The following KDM5C variants were observed in gnomAD, a reference collection of about 807,000 sequenced individuals.
KDM5C encodes lysine-specific demethylase 5C.
In KDM5C, 16 loss-of-function variants were observed where a neutral mutation model predicts 110.6. The observed-to-expected ratio is 0.14, with a 90% confidence interval of 0.10 to 0.22. KDM5C has a LOEUF of 0.22. Ranked by LOEUF, KDM5C falls within the 10% of genes least tolerant of loss-of-function variation. KDM5C has a pLI of 1.00. For missense variants in KDM5C, 681 were observed against 1,300.9 expected, an observed-to-expected ratio of 0.52 and a Z score of 7.33; for synonymous variants, 511 against 520.4, an observed-to-expected ratio of 0.98 and a Z score of 0.24.
intron 18 of KDM5C, 42 bp from the exon 19 acceptor site, chrX:53,197,086 C>T: frequency 1.9e-6 from 2 of 1,028,038 alleles, no homozygotes; most frequent in South Asian, 3.9e-5. Flanking sequence ...TCAGCTGGGC[C>T]CACTGAGGGG....
rs781968237 is a variant in KDM5C at position 53,225,193 on chromosome X, C to A, written c.-304G>T. ...GCCGCGGCCTTCAGCGCCGCCGCCG[C>A]CATCTTGGTTTGTCAGCGTCTCCCC... On this transcript the variant is annotated 5_prime_UTR_variant, in exon 1 of 26. Coordinates refer to ENST00000375401, the MANE Select transcript of KDM5C (RefSeq NM_004187.5). 7.0e-5 allele frequency: 25 copies of A among 359,031 alleles called. No individual in the cohort carries two copies. The highest frequency in any genetic ancestry group is 1.2e-4 in the Non-Finnish European group (25 of 207,676). The allele number at this position is 359,031 out of a possible 1,213,427, so 29.6% of individuals were successfully genotyped here.
At chrX:53,185,992 A>G (rs1278666992) in intron 25 of KDM5C, among the ~76,000 whole-genome samples, 1 of 111,913 alleles carries the variant, frequency 8.9e-6, no homozygotes, top group Non-Finnish European at 1.9e-5. Flanking sequence ...CTGCAGCCAC[A>G]GTCATTGTAC....
Position 53,225,022 on chromosome X carries a change from G to A in KDM5C, c.-133C>T, listed in dbSNP as rs1346641566. 5 of 767,312 alleles carry A rather than the reference G, an allele frequency of 6.5e-6. No individual in the cohort carries two copies. The highest frequency in any genetic ancestry group is 2.8e-5 in the South Asian group (1 of 35,699). The allele number at this position is 767,312 out of a possible 1,213,427, so 63.2% of individuals were successfully genotyped here. ...AGCGGGGCAGCCGCCGCCCGCCGAG[G>A]GCCTAAGGGGGCGTGTGGCCGTCGT... On this transcript the variant is annotated 5_prime_UTR_variant, in exon 1 of 26. Coordinates refer to ENST00000375401, the MANE Select transcript of KDM5C (RefSeq NM_004187.5).
At chrX:53,191,538 C>A (rs1934418468), downstream of KDM5C, 3 of 174,711 alleles carry the variant, frequency 1.7e-5, no homozygotes, top group East Asian at 2.4e-4. Context: ...TTATATATAT[C>A]AATAAGCTGT....
At chrX:53,189,925 A>G (rs1459008522), downstream of KDM5C, among the ~76,000 whole-genome samples, 3 of 112,559 alleles carry the variant, frequency 2.7e-5, no homozygotes, top group Non-Finnish European at 5.6e-5. Context: ...TTGGGCCTGA[A>G]GGGTTTGGGT....
At chrX:53,218,003 C>T (rs782340383) in intron 3 of KDM5C, 37 bp from the exon 4 acceptor site, 11 of 1,189,417 alleles carry the variant, frequency 9.2e-6, no homozygotes, top group Non-Finnish European at 1.1e-5. Context: ...GGATGTGCCA[C>T]GTGTATTTAT....
rs1479200463 is a variant in KDM5C, at chrX:53,192,401, A to C, written c.*566T>G. Reference sequence around the variant, plus strand: ...AGGACAAGCACCAAAAGCTTTCTTCAGATCACAGGGAGCCCTGTTCAGCTC... The same window carrying C: ...AGGACAAGCACCAAAAGCTTTCTTCCGATCACAGGGAGCCCTGTTCAGCTC... On this transcript the variant is annotated 3_prime_UTR_variant, in exon 26 of 26. Transcript: ENST00000375401. The C allele has an allele frequency of 1.0e-5, 2 of 195,126 alleles. No homozygotes were observed. Among genetic ancestry groups the C allele is most frequent in the African/African-American group, 5.9e-5 (2 of 34,129 alleles). The allele number at this position is 195,126 out of a possible 1,213,427, so 16.1% of individuals were successfully genotyped here.
At chrX:53,188,744 T>C (rs1417357950), downstream of KDM5C, among the ~76,000 whole-genome samples, 1 of 111,663 alleles carries the variant, frequency 9.0e-6, no homozygotes, top group African/African-American at 3.3e-5. Flanking sequence ...AATTAAGTTA[T>C]AAAGACTATG....
At chrX:53,186,352 A>G (rs1934217411), downstream of KDM5C, among the ~76,000 whole-genome samples, 1 of 111,742 alleles carries the variant, frequency 8.9e-6, no homozygotes, top group African/African-American at 3.3e-5. Context: ...TAAAAATGGA[A>G]AAGTGGGTCT....
intron 14 of KDM5C, among the ~76,000 whole-genome samples, chrX:53,201,026 T>C (rs1219184485): frequency 8.9e-6 from 1 of 112,774 alleles, no homozygotes; most frequent in Non-Finnish European, 1.9e-5. Context: ...TTACCAATAA[T>C]AGCAGCTGCA....
At chrX:53,220,961 A>G (rs374550321) in intron 1 of KDM5C, 45 bp from the exon 2 acceptor site, 26 of 1,091,308 alleles carry the variant, frequency 2.4e-5, no homozygotes, top group Non-Finnish European at 3.2e-5. Flanking sequence ...ATCTCAGCAT[A>G]GTGTAAGACC....
chrX:53,192,996 G>A lies in KDM5C; in HGVS notation c.4654C>T (p.Pro1552Ser), dbSNP rs782106642. The part of the protein sequence containing the change: ...TLTPRLHLPC[P>S]QQPPQQQL ...AACTGTTGCTGAGGCGGCTGCTGTG[G>A]GCAGGGCAGATGCAGCCGGGGAGTC... Residue 1552 changes from proline to serine, a missense_variant, in exon 26 of 26, where the codon CCA becomes TCA. Coordinates refer to ENST00000375401, the MANE Select transcript of KDM5C (RefSeq NM_004187.5). 2 of 1,183,042 alleles carry A rather than the reference G, an allele frequency of 1.7e-6. No homozygotes were observed. The highest frequency in any genetic ancestry group is 3.8e-5 in the South Asian group (2 of 52,093).
rs2146816824 is a variant in KDM5C at position 53,193,784 on chromosome X, G to A, written c.4106C>T (p.Ser1369Leu). The A allele has an allele frequency of 8.3e-7, 1 of 1,209,249 alleles. No homozygotes were observed. The highest frequency in any genetic ancestry group is 2.3e-4 in the Middle Eastern group (1 of 4,351). Residue 1369 changes from serine to leucine, a missense_variant, in exon 24 of 26, where the codon TCA becomes TTA. Transcript: ENST00000375401. ...ACACCTAGACCTACCTCTCTTACCT[G>A]AGCCCTCCTCCGGGGCTACCTTCTC... ...SPEKVAPEEGSGKRDLELLSS... is the reference protein window; with the variant it reads ...SPEKVAPEEGLGKRDLELLSS...
rs922152298 is a variant in KDM5C, at chrX:53,222,188, G to A, written c.151-1272C>T. ...AATGTTCATACATACATGCATACAC[G>A]TGGGCGGGGGGGAGAGACAGTGAAA... On this transcript the variant is annotated intron_variant, in intron 1 of 25. Coordinates refer to ENST00000375401, the MANE Select transcript of KDM5C (RefSeq NM_004187.5). Among the ~76,000 whole-genome samples the A allele has an allele frequency of 5.5e-5, 6 of 109,990 alleles. 1 individual carries two copies. Among genetic ancestry groups the A allele is most frequent in the Admixed American group, 2.9e-4 (3 of 10,351 alleles).
chrX:53,224,624 G>T, intron 1 of KDM5C, 116 bp downstream of exon 1: 1 of 941,666 alleles, frequency 1.1e-6, no homozygotes. Flanking sequence ...CAACCACAAC[G>T]GTCCCAGCCA....
chrX:53,180,980 G>A (rs1363575505), intron 25 of KDM5C, among the ~76,000 whole-genome samples: 3 of 107,470 alleles, frequency 2.8e-5, no homozygotes, highest in Non-Finnish European at 5.8e-5. Flanking sequence ...CGCCCGCCTC[G>A]GAAATTTTTG....
chrX:53,180,457 A>C, intron 25 of KDM5C, among the ~76,000 whole-genome samples: 1 of 111,611 alleles, frequency 9.0e-6, no homozygotes, highest in East Asian at 2.8e-4. Flanking sequence ...TGTATTGACT[A>C]TAACGAATGT....
chrX:53,194,028 C>T, intron 23 of KDM5C, 111 bp downstream of exon 23: 1 of 1,052,669 alleles, frequency 9.5e-7, no homozygotes, highest in East Asian at 3.3e-5. Context: ...AGTAGGAAGG[C>T]TGGTCCAAAG....
At chrX:53,187,932 C>T (rs1026536626), downstream of KDM5C, among the ~76,000 whole-genome samples, 3 of 108,512 alleles carry the variant, frequency 2.8e-5, no homozygotes, top group Admixed American at 2.0e-4. Flanking sequence ...TTAGTAGAGA[C>T]GGGGTTTCAC....
Sources: allele counts gnomAD v4.1 joint callset (sites outside exome capture counted in the v4.1 genomes callset), GRCh38; gene constraint gnomAD v4.1.1; transcripts MANE v1.5; gene names NCBI Gene and HGNC (gene_info 2026-07-23, HGNC 2026-07-21).